KDM4C: variants seen among roughly 807,000 people sequenced by gnomAD.
KDM4C encodes the protein lysine-specific demethylase 4C.
KDM4C carries 81 observed loss-of-function variants against 129.3 expected under a neutral mutation model. That is an observed-to-expected ratio of 0.63 (90% CI 0.52 to 0.75). KDM4C has a LOEUF of 0.75. Among genes scored for constraint, KDM4C ranks in the 30% least tolerant of loss-of-function variants. The pLI is 0.00. For missense variants in KDM4C, 1,457 were observed against 1,304.0 expected (o/e 1.12, Z -1.81); for synonymous variants, 573 against 456.1 (o/e 1.26, Z -3.26).
chr9:7,166,465 TCTGTG>T (rs1343151895), intron 20 of KDM4C, among the ~76,000 whole-genome samples: 1 of 27,892 alleles, frequency 3.6e-5, no homozygotes, highest in African/African-American at 1.3e-4. Flanking sequence ...TGTATGTGTG[TCTGTG>T]TGTGTAAAGG....
At chr9:7,138,286 T>C (rs1315568616) in intron 19 of KDM4C, among the ~76,000 whole-genome samples, 4 of 152,208 alleles carry the variant, frequency 2.6e-5, no homozygotes, top group Non-Finnish European at 4.4e-5. Flanking sequence ...TGCAAATCAA[T>C]TTCCCTCTAT....
At chr9:6,867,114 C>G (rs1411702871) in intron 5 of KDM4C, among the ~76,000 whole-genome samples, 2 of 150,920 alleles carry the variant, frequency 1.3e-5, no homozygotes, top group Non-Finnish European at 2.9e-5. Flanking sequence ...CTGCCGGGTT[C>G]AAGCAATTCC....
intron 2 of KDM4C, among the ~76,000 whole-genome samples, chr9:6,799,241 C>T (rs539085044): frequency 3.3e-5 from 5 of 152,268 alleles, no homozygotes; most frequent in South Asian, 4.2e-4. Flanking sequence ...TGTAGCGACG[C>T]GAGATCACGC....
At chr9:6,842,313 T>TG (rs1837090348) in intron 4 of KDM4C, among the ~76,000 whole-genome samples, 1 of 68,956 alleles carries the variant, frequency 1.5e-5, no homozygotes, top group Non-Finnish European at 2.5e-5. Flanking sequence ...TCCACATTTC[T>TG]TTTTTTTTTT....
At position 6,758,061 on chromosome 9, in the gene KDM4C, G is replaced by A. The variant is rs770872221; in HGVS notation, c.-160G>A. 16 of 985,374 alleles carry A rather than the reference G, an allele frequency of 1.6e-5. No individual in the cohort carries two copies. Among genetic ancestry groups the A allele is most frequent in the Non-Finnish European group, 1.8e-5 (15 of 829,990 alleles). 61.0% of individuals were successfully genotyped at this position (985,374 alleles called of 1,614,324 possible). On this transcript the variant is annotated 5_prime_UTR_variant, in exon 1 of 22. Transcript: ENST00000381309. This position sits in a 1 kb window ranked among gnomAD's most constrained non-coding sequence, Gnocchi z 4.6. ...GCGCGGCGCAGTGATCGGGCGGCCG[G>A]GGTCCTGTGCGCGTGCGCAGCGAAC...
intron 8 of KDM4C, among the ~76,000 whole-genome samples, chr9:6,922,646 C>G (rs886650002): frequency 9.8e-5 from 15 of 152,364 alleles, no homozygotes; most frequent in Admixed American, 2.6e-4. Context: ...ACCTGGGAGA[C>G]TGAGGTGGGA....
chr9:7,008,519 T>C (rs1173200600), intron 12 of KDM4C, among the ~76,000 whole-genome samples: 3 of 152,200 alleles, frequency 2.0e-5, no homozygotes, highest in African/African-American at 7.2e-5. Context: ...GCAGCACTTG[T>C]GGACCTGGGT....
At chr9:6,845,194 A>G (rs1837632607) in intron 4 of KDM4C, among the ~76,000 whole-genome samples, 1 of 152,052 alleles carries the variant, frequency 6.6e-6, no homozygotes, top group South Asian at 2.1e-4. Context: ...TAGTTGAGAC[A>G]TTGAAGATTT....
chr9:6,799,981 G>A (rs569435957), intron 2 of KDM4C, among the ~76,000 whole-genome samples: 20 of 152,154 alleles, frequency 1.3e-4, no homozygotes, highest in African/African-American at 4.6e-4. Flanking sequence ...CCAGCACTTT[G>A]GGAGGCCAAG....
chr9:6,905,213 A>G (rs1818106868), intron 8 of KDM4C, among the ~76,000 whole-genome samples: 1 of 152,250 alleles, frequency 6.6e-6, no homozygotes, highest in Non-Finnish European at 1.5e-5. Flanking sequence ...CAAATGTAAC[A>G]TCAGTATGCC....
At chr9:6,866,909 A>G (rs1263633410) in intron 5 of KDM4C, among the ~76,000 whole-genome samples, 2 of 135,650 alleles carry the variant, frequency 1.5e-5, no homozygotes, top group East Asian at 3.9e-4. Flanking sequence ...ATATACATAT[A>G]TATATATATA....
At chr9:7,150,402 C>T (rs1361790120) in intron 19 of KDM4C, among the ~76,000 whole-genome samples, 1 of 152,236 alleles carries the variant, frequency 6.6e-6, no homozygotes, top group East Asian at 1.9e-4. Flanking sequence ...GTCACAGACA[C>T]AGAGTTCCCA....
intron 17 of KDM4C, among the ~76,000 whole-genome samples, chr9:7,052,699 C>T (rs530249486): frequency 6.6e-6 from 1 of 152,230 alleles, no homozygotes; most frequent in Admixed American, 6.5e-5. Flanking sequence ...TTCTGGTCAG[C>T]TGGGGATTGA....
chr9:6,912,321 C>G (rs1001866644), intron 8 of KDM4C, among the ~76,000 whole-genome samples: 2 of 152,188 alleles, frequency 1.3e-5, no homozygotes, highest in Admixed American at 6.5e-5. Flanking sequence ...GGACCCTTAA[C>G]CTCTCCCCTG....
At chr9:7,167,178 A>G (rs1157992851) in intron 20 of KDM4C, among the ~76,000 whole-genome samples, 1 of 152,176 alleles carries the variant, frequency 6.6e-6, no homozygotes, top group Non-Finnish European at 1.5e-5. Flanking sequence ...ATTTTTTAAT[A>G]ATTTGTCCGA....
Position 6,758,059 on chromosome 9 carries a change from C to T in KDM4C, c.-162C>T, listed in dbSNP as rs992912312. On this transcript the variant is annotated 5_prime_UTR_variant, in exon 1 of 22. Transcript: ENST00000381309. This position sits in a 1 kb window ranked among gnomAD's most constrained non-coding sequence, Gnocchi z 4.6. ...AGGCGCGGCGCAGTGATCGGGCGGC[C>T]GGGGTCCTGTGCGCGTGCGCAGCGA... 2.0e-6 allele frequency: 2 copies of T among 985,480 alleles called. No homozygotes were observed. The highest frequency in any genetic ancestry group is 2.4e-6 in the Non-Finnish European group (2 of 829,976). 61.0% of individuals were successfully genotyped at this position (985,480 alleles called of 1,614,324 possible). A position where few individuals can be genotyped will look rare whatever the true frequency, so the allele number is the denominator to read the frequency against.
At chr9:7,006,850 T>C (rs1422762432) in intron 12 of KDM4C, among the ~76,000 whole-genome samples, 1 of 152,142 alleles carries the variant, frequency 6.6e-6, no homozygotes, top group Non-Finnish European at 1.5e-5. Flanking sequence ...CTTTTAATAC[T>C]ACTATAAAAA....
chr9:6,737,050 C>CA (rs566235532), intron 1 of KDM4C, among the ~76,000 whole-genome samples: 2,353 of 33,682 alleles, frequency 0.07, 39 homozygotes, highest in Non-Finnish European at 0.08. Context: ...GATTCTGTCT[C>CA]AAAAAAAAAA....
At chr9:7,109,467 A>G (rs990944386) in intron 18 of KDM4C, among the ~76,000 whole-genome samples, 3 of 152,174 alleles carry the variant, frequency 2.0e-5, no homozygotes, top group South Asian at 2.1e-4. Context: ...ATACATTTCA[A>G]TCCAATTCGT....
Sources: gnomAD v4.1 joint callset for allele counts (sites outside exome capture counted in the v4.1 genomes callset) on GRCh38, gnomAD v4.1.1 for gene constraint, Gnocchi (gnomAD v3.1) non-coding constraint, MANE v1.5 for transcripts, NCBI Gene and HGNC (gene_info 2026-07-23, HGNC 2026-07-21) for gene names.